The following PXDNL variants were observed in gnomAD, a reference collection of about 807,000 sequenced individuals.
The protein encoded by PXDNL is probable oxidoreductase PXDNL.
PXDNL carries 145 observed loss-of-function variants against 150.8 expected under a neutral mutation model. That is an observed-to-expected ratio of 0.96 (90% confidence interval 0.84 to 1.10). The LOEUF is 1.10. PXDNL is among the 50% of genes least tolerant of loss of function. PXDNL has a pLI of 0.00. For missense variants in PXDNL, 2,087 were observed against 1,873.9 expected (o/e 1.11, Z -2.10); for synonymous variants, 757 against 725.7 (o/e 1.04, Z -0.69).
intron 1 of PXDNL, among the ~76,000 whole-genome samples, chr8:51,743,381 C>A (rs1175319049): frequency 6.6e-6 from 1 of 151,698 alleles, no homozygotes; most frequent in East Asian, 1.9e-4. Context: ...CCGTGCCTGG[C>A]TAATTTTTTT....
chr8:51,463,850 T>C (rs1033011955), intron 8 of PXDNL, among the ~76,000 whole-genome samples: 1 of 151,888 alleles, frequency 6.6e-6, no homozygotes, highest in Non-Finnish European at 1.5e-5. Context: ...GACTTTTGGG[T>C]AAACAACAAA....
intron 21 of PXDNL, among the ~76,000 whole-genome samples, chr8:51,333,948 C>T (rs1440285226): frequency 1.3e-5 from 2 of 152,122 alleles, no homozygotes; most frequent in Non-Finnish European, 2.9e-5. Context: ...TGGATCTAAA[C>T]TATGCCTTGT....
At chr8:51,577,914 AAAAGAAAG>A (rs1352331717) in intron 3 of PXDNL, among the ~76,000 whole-genome samples, 2 of 117,656 alleles carry the variant, frequency 1.7e-5, no homozygotes, top group Non-Finnish European at 1.7e-5. Context: ...AAAGAGAAAG[AAAAGAAAG>A]AAAAGAAAGA....
intron 19 of PXDNL, among the ~76,000 whole-genome samples, chr8:51,354,528 G>T (rs1190561361): frequency 6.6e-6 from 1 of 152,054 alleles, no homozygotes. Context: ...ATTAGCATAA[G>T]ATTCTAAAAG....
intron 4 of PXDNL, among the ~76,000 whole-genome samples, chr8:51,533,556 C>T (rs1186019028): frequency 1.4e-5 from 2 of 141,722 alleles, no homozygotes; most frequent in African/African-American, 5.5e-5. Flanking sequence ...CAAAGCTGGA[C>T]GGTACTGCTG....
chr8:51,330,873 T>C (rs751831697), intron 21 of PXDNL, among the ~76,000 whole-genome samples: 8 of 152,138 alleles, frequency 5.3e-5, no homozygotes, highest in Non-Finnish European at 7.4e-5. Flanking sequence ...GTATGACTGA[T>C]CCTGAGAGAA....
intron 2 of PXDNL, among the ~76,000 whole-genome samples, chr8:51,633,064 AATACC>A (rs1389632457): frequency 6.6e-6 from 1 of 151,966 alleles, no homozygotes; most frequent in African/African-American, 2.4e-5. Context: ...TCACCATTCT[AATACC>A]CCCCGTGTCA....
At chr8:51,767,133 T>G (rs1260866664) in intron 1 of PXDNL, among the ~76,000 whole-genome samples, 1 of 152,144 alleles carries the variant, frequency 6.6e-6, no homozygotes, top group Non-Finnish European at 1.5e-5. Flanking sequence ...ACAGCTGATT[T>G]AAAATCTTTA....
chr8:51,678,541 A>C (rs557562922), intron 1 of PXDNL, among the ~76,000 whole-genome samples: 98 of 151,386 alleles, frequency 6.5e-4, no homozygotes, highest in African/African-American at 2.0e-3. Flanking sequence ...GCAGCCATAA[A>C]AAATGATGAG....
chr8:51,667,601 C>A (rs1408968947), intron 1 of PXDNL, among the ~76,000 whole-genome samples: 1 of 152,162 alleles, frequency 6.6e-6, no homozygotes, highest in Non-Finnish European at 1.5e-5. Context: ...ATCCAAAGAG[C>A]TATGGATGCC....
At chr8:51,446,875 C>T (rs1809688334) in intron 12 of PXDNL, 129 bp downstream of exon 12, 6 of 573,868 alleles carry the variant, frequency 1.0e-5, no homozygotes, top group African/African-American at 1.9e-5. Flanking sequence ...ATCAAATTTG[C>T]ATTTCTTAGA....
In PXDNL at chr8:51,809,439, C is replaced by T; in HGVS notation, c.-95G>A. On this transcript the variant is annotated 5_prime_UTR_variant, in exon 1 of 23. Transcript: ENST00000356297. ...ACCGCAGTGGTGGTGATGGTGGCTG[C>T]TGGACTGAGCCAAGTTTGGGAGCCG... The T allele has an allele frequency of 7.9e-7, 1 of 1,266,414 alleles. No homozygotes were observed. The highest frequency in any genetic ancestry group is 1.1e-6 in the Non-Finnish European group (1 of 947,278). The allele number at this position is 1,266,414 out of a possible 1,614,324, so 78.4% of individuals were successfully genotyped here. A position where few individuals can be genotyped will look rare whatever the true frequency, so the allele number is the denominator to read the frequency against.
At chr8:51,538,657 C>T (rs1585562080) in intron 4 of PXDNL, among the ~76,000 whole-genome samples, 1 of 152,122 alleles carries the variant, frequency 6.6e-6, no homozygotes, top group Admixed American at 6.5e-5. Context: ...ATCCCAGCTA[C>T]TCAGGAGGCT....
At chr8:51,354,304 A>G (rs1806440288) in intron 19 of PXDNL, among the ~76,000 whole-genome samples, 1 of 152,106 alleles carries the variant, frequency 6.6e-6, no homozygotes, top group African/African-American at 2.4e-5. Context: ...TTTTATCAGT[A>G]GAATTTTGAC....
At chr8:51,474,332 GA>G (rs1181067456) in intron 7 of PXDNL, among the ~76,000 whole-genome samples, 1 of 152,068 alleles carries the variant, frequency 6.6e-6, no homozygotes, top group Non-Finnish European at 1.5e-5. Context: ...ATATTCACAT[GA>G]AAAGCTTTAA....
chr8:51,440,515 G>T (rs1465215974), intron 12 of PXDNL, among the ~76,000 whole-genome samples: 2 of 152,096 alleles, frequency 1.3e-5, no homozygotes, highest in African/African-American at 4.8e-5. Flanking sequence ...GAAACATCAT[G>T]AATGAGTCCA....
intron 1 of PXDNL, among the ~76,000 whole-genome samples, chr8:51,690,644 C>T (rs1175795777): frequency 6.6e-6 from 1 of 152,140 alleles, no homozygotes; most frequent in Non-Finnish European, 1.5e-5. Flanking sequence ...GTCCATGTGT[C>T]GTTATAGCAG....
intron 4 of PXDNL, among the ~76,000 whole-genome samples, chr8:51,515,303 A>G (rs2130361703): frequency 6.6e-6 from 1 of 152,232 alleles, no homozygotes; most frequent in Admixed American, 6.5e-5. Context: ...TCCAGGGGGC[A>G]GGTCACACCC....
intron 2 of PXDNL, among the ~76,000 whole-genome samples, chr8:51,628,604 C>G (rs574922375): frequency 2.0e-5 from 3 of 151,778 alleles, no homozygotes; most frequent in Non-Finnish European, 4.4e-5. Flanking sequence ...TGGGGTTTCA[C>G]CATGTAGGCA....
Sources: gnomAD v4.1 joint callset for allele counts (sites outside exome capture counted in the v4.1 genomes callset) on GRCh38, gnomAD v4.1.1 for gene constraint, MANE v1.5 for transcripts, NCBI Gene and HGNC (gene_info 2026-07-23, HGNC 2026-07-21) for gene names.